Variants in LARP1B observed in about 807,000 individuals in gnomAD.
The protein encoded by LARP1B is la-related protein 1B.
Under a neutral mutation model 114.2 loss-of-function variants are expected in LARP1B, and 76 were observed. That is an observed-to-expected ratio of 0.67 (90% CI 0.55 to 0.81). LARP1B has a LOEUF of 0.81. Among genes scored for constraint, LARP1B ranks in the 30% least tolerant of loss-of-function variants. LARP1B has a pLI of 0.00. For synonymous variants in LARP1B, 345 were observed against 348.0 expected, an observed-to-expected ratio of 0.99 and a Z score of 0.10; for missense variants, 1,014 against 1,075.8, an observed-to-expected ratio of 0.94 and a Z score of 0.80.
intron 7 of LARP1B, among the ~76,000 whole-genome samples, chr4:128,221,376 G>A (rs1760020205): frequency 6.6e-6 from 1 of 152,128 alleles, no homozygotes. Flanking sequence ...TATCCCACAA[G>A]GTTAATTGAT....
chr4:128,198,092 C>A (rs1754847752), intron 15 of LARP1B, among the ~76,000 whole-genome samples: 1 of 151,962 alleles, frequency 6.6e-6, no homozygotes, highest in African/African-American at 2.4e-5. Context: ...ACCATGTTGG[C>A]CAGGCTGGTC....
chr4:128,184,604 A>G (rs892467516), intron 15 of LARP1B, among the ~76,000 whole-genome samples: 1 of 151,806 alleles, frequency 6.6e-6, no homozygotes, highest in Non-Finnish European at 1.5e-5. Context: ...TTGCATACCA[A>G]CCTTCTAGCT....
At chr4:128,155,794 G>A (rs2150367757) in intron 11 of LARP1B, 2 of 1,592,274 alleles carry the variant, frequency 1.3e-6, no homozygotes, top group East Asian at 4.5e-5. Context: ...CCTGCAGGCG[G>A]AGACTGATAA....
intron 1 of LARP1B, among the ~76,000 whole-genome samples, chr4:128,067,653 GA>G (rs954934762): frequency 2.4e-4 from 36 of 152,012 alleles, no homozygotes; most frequent in African/African-American, 8.2e-4. Flanking sequence ...CATGAGACCA[GA>G]AGGAACTTCT....
chr4:128,084,211 C>G (rs1195316209), intron 5 of LARP1B, among the ~76,000 whole-genome samples: 4 of 152,176 alleles, frequency 2.6e-5, no homozygotes, highest in Non-Finnish European at 4.4e-5. Flanking sequence ...TCCTCACTTC[C>G]CAGACGGGGT....
intron 11 of LARP1B, among the ~76,000 whole-genome samples, chr4:128,144,211 G>A (rs949061981): frequency 2.6e-5 from 4 of 152,068 alleles, no homozygotes; most frequent in Non-Finnish European, 5.9e-5. Flanking sequence ...TTGTATTCTT[G>A]TCCCCTTGTA....
intron 9 of LARP1B, among the ~76,000 whole-genome samples, chr4:128,113,483 G>T (rs1335974480): frequency 6.6e-6 from 1 of 151,194 alleles, no homozygotes; most frequent in Non-Finnish European, 1.5e-5. Flanking sequence ...GGGAATTACA[G>T]GTGCTCACCA....
At position 128,125,775 on chromosome 4, in the gene LARP1B, CAG is replaced by C. The variant is rs757946944; in HGVS notation, c.1524+3589_1524+3590del. 2.4e-4 allele frequency among the ~76,000 whole-genome samples: 36 copies of C among 152,070 alleles called. 1 individual carries two copies. The highest frequency in any genetic ancestry group is 1.0e-3 in the South Asian group (5 of 4,824). ...ACAAAAAACAAAAACAAAAACAAAA[CAG>C]AATGTTTTTCTGGTTGTGCTGAGCA... On this transcript the variant is annotated intron_variant, in intron 11 of 19. Transcript: ENST00000326639.
intron 12 of LARP1B, among the ~76,000 whole-genome samples, chr4:128,173,374 A>G (rs1744650051): frequency 6.6e-6 from 1 of 152,178 alleles, no homozygotes; most frequent in Admixed American, 6.5e-5. Flanking sequence ...AAGTTTGCTG[A>G]GTTCTGCTTT....
chr4:128,155,814 T>TGA (rs1191373910), intron 11 of LARP1B: 1 of 1,587,662 alleles, frequency 6.3e-7, no homozygotes, highest in African/African-American at 1.3e-5. Flanking sequence ...AACTGGAAGA[T>TGA]GAGAAATCAG....
chr4:128,167,661 A>C (rs1165252135), intron 12 of LARP1B, among the ~76,000 whole-genome samples: 1 of 151,942 alleles, frequency 6.6e-6, no homozygotes, highest in Non-Finnish European at 1.5e-5. Context: ...ACATTCAGTA[A>C]GTTTCACACC....
chr4:128,213,941 T>G (rs1759309702), downstream of LARP1B, among the ~76,000 whole-genome samples: 1 of 151,826 alleles, frequency 6.6e-6, no homozygotes, highest in Non-Finnish European at 1.5e-5. Context: ...GGCCAGTGTG[T>G]GCGTGCACCG....
In LARP1B at chr4:128,114,716, C is replaced by G. The variant is rs1265840542; in HGVS notation, c.1135C>G (p.His379Asp). Residue 379 changes from histidine (H) to aspartate (D), a missense_variant, in exon 10 of 20, where the codon CAT becomes GAT. Physicochemically the swap from His to Asp is moderately conservative, Grantham distance 81. Transcript: ENST00000326639. Reference sequence around the variant, plus strand: ...ACCTTGGATAGAAGTTAAAAAAAGACATCAGCCAGCCCCAGTGAAATTGAG... The same window carrying G: ...ACCTTGGATAGAAGTTAAAAAAAGAGATCAGCCAGCCCCAGTGAAATTGAG... The part of the protein sequence containing the change: ...SEPWIEVKKR[H>D]QPAPVKLRES... 2.5e-6 allele frequency: 4 copies of G among 1,613,922 alleles called. No homozygotes were observed. In the South Asian group the frequency reaches 4.4e-5, roughly 18 times the overall value.
intron 11 of LARP1B, among the ~76,000 whole-genome samples, chr4:128,149,636 T>C (rs1025726262): frequency 2.0e-5 from 3 of 152,160 alleles, no homozygotes; most frequent in African/African-American, 4.8e-5. Context: ...TAAGATCAGA[T>C]TTGGAAATGT....
chr4:128,116,375 T>A (rs966753170), intron 10 of LARP1B, among the ~76,000 whole-genome samples: 4 of 152,232 alleles, frequency 2.6e-5, no homozygotes, highest in Admixed American at 6.5e-5. Context: ...AGATCTCTAT[T>A]ATTTCTTACA....
intron 8 of LARP1B, among the ~76,000 whole-genome samples, chr4:128,103,994 CATT>C (rs1474364463): frequency 6.6e-6 from 1 of 151,400 alleles, no homozygotes; most frequent in Non-Finnish European, 1.5e-5. Context: ...ATAATTTATA[CATT>C]ATTATTATTT....
chr4:128,136,382 G>A (rs1039361466), intron 11 of LARP1B, among the ~76,000 whole-genome samples: 9 of 151,842 alleles, frequency 5.9e-5, no homozygotes, highest in Non-Finnish European at 7.4e-5. Flanking sequence ...GTAGCAGATG[G>A]AAGACTTACA....
At chr4:128,174,217 A>G (rs1744981983) in intron 12 of LARP1B, among the ~76,000 whole-genome samples, 1 of 152,066 alleles carries the variant, frequency 6.6e-6, no homozygotes, top group Admixed American at 6.6e-5. Flanking sequence ...TATTATGACT[A>G]TTCATGTTCA....
chr4:128,128,912 C>T (rs567464437), intron 11 of LARP1B, among the ~76,000 whole-genome samples: 12 of 152,192 alleles, frequency 7.9e-5, no homozygotes, highest in African/African-American at 2.9e-4. Flanking sequence ...CGCCTGTAAT[C>T]CCAGCACTTT....
Sources: allele counts gnomAD v4.1 joint callset (sites outside exome capture counted in the v4.1 genomes callset), GRCh38; gene constraint gnomAD v4.1.1; transcripts MANE v1.5; gene names NCBI Gene and HGNC (gene_info 2026-07-23, HGNC 2026-07-21).